The following MEIKIN variants were observed in gnomAD, a reference collection of about 807,000 sequenced individuals.
The protein encoded by MEIKIN is meiosis-specific kinetochore protein.
At chr5:131,872,689 A>G (rs1165300512) in intron 9 of MEIKIN, among the ~76,000 whole-genome samples, 4 of 152,210 alleles carry the variant, frequency 2.6e-5, no homozygotes, top group African/African-American at 4.8e-5. Flanking sequence ...TCCAAGACAC[A>G]TAATTGTCAG....
rs554852457 is a variant in MEIKIN at position 131,945,634 on chromosome 5, T to C, written c.-129A>G. 16 of 396,286 alleles carry C rather than the reference T, an allele frequency of 4.0e-5. No homozygotes were observed. Among genetic ancestry groups the C allele is most frequent in the Admixed American group, 2.2e-4 (5 of 22,622 alleles). The allele number at this position is 396,286 out of a possible 1,614,324, so 24.5% of individuals were successfully genotyped here. A position where few individuals can be genotyped will look rare whatever the true frequency, so the allele number is the denominator to read the frequency against. On this transcript the variant is annotated 5_prime_UTR_variant, in exon 1 of 13. Transcript: ENST00000442687. Reference sequence around the variant, plus strand: ...GCCCGCGGAGCAGCCTCACAGCAACTAATCGAGCGAAAGCAAAAGCCCCAG... The same window carrying C: ...GCCCGCGGAGCAGCCTCACAGCAACCAATCGAGCGAAAGCAAAAGCCCCAG...
intron 8 of MEIKIN, among the ~76,000 whole-genome samples, chr5:131,893,645 A>C (rs1580894670): frequency 6.6e-6 from 1 of 152,200 alleles, no homozygotes; most frequent in Non-Finnish European, 1.5e-5. Context: ...CCGGTACCTC[A>C]ATTGGAAATG....
chr5:131,860,640 G>A (rs954610393), intron 9 of MEIKIN, among the ~76,000 whole-genome samples: 1 of 150,746 alleles, frequency 6.6e-6, no homozygotes, highest in Non-Finnish European at 1.5e-5. Flanking sequence ...GTAGAGACGG[G>A]GTTTCACTAT....
chr5:131,812,451 G>T (rs1004743104), intron 12 of MEIKIN, among the ~76,000 whole-genome samples: 2 of 152,152 alleles, frequency 1.3e-5, no homozygotes, highest in African/African-American at 4.8e-5. Context: ...GTCTCCAAAG[G>T]CCTTCCACCT....
At chr5:131,911,407 A>G (rs1751334180) in intron 8 of MEIKIN, among the ~76,000 whole-genome samples, 1 of 151,980 alleles carries the variant, frequency 6.6e-6, no homozygotes, top group Non-Finnish European at 1.5e-5. Flanking sequence ...TCCTAATAGT[A>G]AACTACATAA....
chr5:131,850,222 T>A (rs1750089252), intron 11 of MEIKIN, among the ~76,000 whole-genome samples: 1 of 152,172 alleles, frequency 6.6e-6, no homozygotes, highest in African/African-American at 2.4e-5. Flanking sequence ...TGTTTATGGA[T>A]TGGAAGATGC....
At chr5:131,890,984 C>T (rs1750903115) in intron 8 of MEIKIN, among the ~76,000 whole-genome samples, 1 of 152,150 alleles carries the variant, frequency 6.6e-6, no homozygotes, top group African/African-American at 2.4e-5. Flanking sequence ...ACCCAGTAGT[C>T]ATTCAGGAGC....
rs151165005 is a variant in MEIKIN at position 131,900,865 on chromosome 5, G to A, written c.703+10950C>T. On this transcript the variant is annotated intron_variant, in intron 8 of 12. Transcript: ENST00000442687. The stretch of plus-strand genomic sequence containing the variant: ...AGGAGAGCAGACACTGTGGATGTAC[G>A]CCAGCCCTCCCATGCCCTCCCCCTG... Among the ~76,000 whole-genome samples the A allele has an allele frequency of 5.9e-3, 897 of 152,162 alleles. 12 individuals are homozygous for A. Among genetic ancestry groups the A allele is most frequent in the African/African-American group, 0.02 (818 of 41,500 alleles).
chr5:131,894,301 G>T (rs1750994619), intron 8 of MEIKIN, among the ~76,000 whole-genome samples: 1 of 152,202 alleles, frequency 6.6e-6, no homozygotes, highest in Non-Finnish European at 1.5e-5. Context: ...GGTTACTGTA[G>T]CCTTGTAGTA....
chr5:131,898,374 G>A (rs570406040), intron 8 of MEIKIN, among the ~76,000 whole-genome samples: 7 of 152,298 alleles, frequency 4.6e-5, no homozygotes, highest in East Asian at 1.9e-4. Context: ...TAGGCTACAC[G>A]GGGGTCAGGG....
At chr5:131,932,416 A>G (rs2149652267) in intron 5 of MEIKIN, among the ~76,000 whole-genome samples, 1 of 152,304 alleles carries the variant, frequency 6.6e-6, no homozygotes, top group African/African-American at 2.4e-5. Flanking sequence ...TCCACTCTGT[A>G]ACTCTCATTC....
intron 9 of MEIKIN, among the ~76,000 whole-genome samples, chr5:131,869,236 A>G (rs1405414825): frequency 6.6e-6 from 1 of 152,166 alleles, no homozygotes; most frequent in Admixed American, 6.5e-5. Context: ...GAAAATACCA[A>G]CTTTTCTCCA....
At chr5:131,818,979 C>T in intron 11 of MEIKIN, 116 bp from the exon 12 acceptor site, 2 of 382,886 alleles carry the variant, frequency 5.2e-6, no homozygotes, top group Non-Finnish European at 9.2e-6. Flanking sequence ...TTAATAACAG[C>T]AAGCATTTAT....
intron 11 of MEIKIN, among the ~76,000 whole-genome samples, chr5:131,846,125 A>T (rs975822928): frequency 2.6e-5 from 4 of 152,232 alleles, no homozygotes; most frequent in African/African-American, 9.6e-5. Context: ...TTATAAATTC[A>T]AAGTGCTAAA....
chr5:131,869,503 A>G (rs1750448908), intron 9 of MEIKIN, among the ~76,000 whole-genome samples: 1 of 152,186 alleles, frequency 6.6e-6, no homozygotes, highest in African/African-American at 2.4e-5. Flanking sequence ...CAGTTTGTCT[A>G]CCACATAGTT....
chr5:131,817,631 C>T (rs1773126709), intron 12 of MEIKIN, among the ~76,000 whole-genome samples: 1 of 151,650 alleles, frequency 6.6e-6, no homozygotes, highest in African/African-American at 2.4e-5. Context: ...AAAAAAATCC[C>T]CTCTCATATA....
intron 8 of MEIKIN, among the ~76,000 whole-genome samples, chr5:131,910,240 A>G (rs926382676): frequency 6.6e-6 from 1 of 152,194 alleles, no homozygotes; most frequent in Non-Finnish European, 1.5e-5. Context: ...ATTCAGCCTT[A>G]AAAAAGAATG....
intron 8 of MEIKIN, among the ~76,000 whole-genome samples, chr5:131,907,346 C>T (rs150707783): frequency 6.1e-4 from 92 of 150,788 alleles, no homozygotes; most frequent in Middle Eastern, 3.4e-3. Context: ...CAAATGAATT[C>T]GAAAACAATA....
chr5:131,836,353 A>G (rs1749807149), intron 11 of MEIKIN, among the ~76,000 whole-genome samples: 1 of 152,218 alleles, frequency 6.6e-6, no homozygotes, highest in Non-Finnish European at 1.5e-5. Context: ...TGCTGCAATG[A>G]ACATACACAT....
Sources: gnomAD v4.1 joint callset for allele counts (sites outside exome capture counted in the v4.1 genomes callset) on GRCh38, gnomAD v4.1.1 for gene constraint, MANE v1.5 for transcripts, NCBI Gene and HGNC (gene_info 2026-07-23, HGNC 2026-07-21) for gene names.